Variants in KCNH1 observed in about 807,000 individuals in gnomAD.
KCNH1 encodes the protein potassium voltage-gated channel subfamily H member 1.
Under a neutral mutation model 69.2 loss-of-function variants are expected in KCNH1, and 27 were observed. That is an observed-to-expected ratio of 0.39 (90% CI 0.29 to 0.54). KCNH1 has a LOEUF of 0.54. Ranked by LOEUF, KCNH1 falls within the 20% of genes least tolerant of loss-of-function variation. KCNH1 has a pLI of 0.68. For missense variants in KCNH1, 798 were observed against 1,261.6 expected (o/e 0.63, Z 5.57); for synonymous variants, 456 against 487.7 (o/e 0.93, Z 0.86).
At chr1:210,891,785 T>G (rs763828613) in intron 7 of KCNH1, among the ~76,000 whole-genome samples, 8 of 152,128 alleles carry the variant, frequency 5.3e-5, no homozygotes, top group Non-Finnish European at 1.2e-4. Context: ...TGCAGCACTA[T>G]TCACAATAGC....
At chr1:211,024,405 T>A (rs1689646872) in intron 5 of KCNH1, among the ~76,000 whole-genome samples, 1 of 152,078 alleles carries the variant, frequency 6.6e-6, no homozygotes, top group Admixed American at 6.6e-5. Flanking sequence ...GTGAAATAAG[T>A]TTGATATTAT....
chr1:211,053,448 G>A (rs1690244438), intron 5 of KCNH1, among the ~76,000 whole-genome samples: 1 of 152,114 alleles, frequency 6.6e-6, no homozygotes, highest in Admixed American at 6.5e-5. Flanking sequence ...CATGAGGGGA[G>A]GCCACAAGCT....
chr1:210,897,376 A>T (rs1233429708), intron 7 of KCNH1, among the ~76,000 whole-genome samples: 4 of 152,146 alleles, frequency 2.6e-5, no homozygotes, highest in Non-Finnish European at 1.5e-5. Context: ...AACCAAGAAA[A>T]ATAAGTACCT....
At position 210,757,874 on chromosome 1, in the gene KCNH1, G is replaced by A. The variant is rs537536162; in HGVS notation, c.2112+17474C>T. Among the ~76,000 whole-genome samples, 44 of 152,244 alleles carry A rather than the reference G, an allele frequency of 2.9e-4. 1 individual carries two copies. The highest frequency in any genetic ancestry group is 5.0e-4 in the Non-Finnish European group (34 of 68,052). On this transcript the variant is annotated intron_variant, in intron 10 of 10. Transcript: ENST00000271751. Reference sequence around the variant, plus strand: ...CTCCATAAAGCCTGGATACCCTTAGGCAGTGGCCAGAGGCCTGCTGCTCTA... The same window carrying A: ...CTCCATAAAGCCTGGATACCCTTAGACAGTGGCCAGAGGCCTGCTGCTCTA...
intron 5 of KCNH1, among the ~76,000 whole-genome samples, chr1:211,069,497 A>G (rs188481606): frequency 6.6e-6 from 1 of 152,320 alleles, no homozygotes; most frequent in East Asian, 1.9e-4. Flanking sequence ...AAGGGCTCTA[A>G]TAGATAAAAG....
At chr1:210,863,010 C>G (rs1038128169) in intron 7 of KCNH1, among the ~76,000 whole-genome samples, 2 of 152,086 alleles carry the variant, frequency 1.3e-5, no homozygotes, top group South Asian at 2.1e-4. Flanking sequence ...TCAGGGCATG[C>G]GTGTAAAGTT....
chr1:210,927,285 G>T (rs1013242861), intron 6 of KCNH1, among the ~76,000 whole-genome samples: 2 of 152,138 alleles, frequency 1.3e-5, no homozygotes, highest in Non-Finnish European at 2.9e-5. Context: ...CAAGACAAAG[G>T]AAAGAATCTT....
At chr1:210,688,423 C>T (rs762702115) in intron 10 of KCNH1, among the ~76,000 whole-genome samples, 2 of 152,212 alleles carry the variant, frequency 1.3e-5, no homozygotes, top group Non-Finnish European at 2.9e-5. Context: ...AACTTTGTGG[C>T]TATAGCCATC....
intron 6 of KCNH1, among the ~76,000 whole-genome samples, chr1:210,965,397 G>A (rs577779168): frequency 1.0e-3 from 155 of 152,168 alleles, no homozygotes; most frequent in Non-Finnish European, 1.4e-3. Context: ...AGCAACTTCA[G>A]CAGTCTCATG....
intron 6 of KCNH1, among the ~76,000 whole-genome samples, chr1:210,923,717 C>T (rs1687510992): frequency 6.6e-6 from 1 of 152,224 alleles, no homozygotes; most frequent in African/African-American, 2.4e-5. Context: ...GAACACATTG[C>T]CTTGCATTAA....
intron 6 of KCNH1, among the ~76,000 whole-genome samples, chr1:210,925,437 G>A (rs767035182): frequency 8.5e-5 from 13 of 152,170 alleles, no homozygotes; most frequent in Admixed American, 2.0e-4. Flanking sequence ...CCTGTGAGTC[G>A]GCTTGCTTTC....
intron 7 of KCNH1, among the ~76,000 whole-genome samples, chr1:210,856,803 A>ATAT (rs1553352202): frequency 3.1e-5 from 4 of 129,104 alleles, no homozygotes; most frequent in African/African-American, 1.2e-4. Context: ...ATTTATATTT[A>ATAT]TATATATATT....
At chr1:210,752,251 C>T (rs1326877944) in intron 10 of KCNH1, among the ~76,000 whole-genome samples, 2 of 152,184 alleles carry the variant, frequency 1.3e-5, no homozygotes, top group Non-Finnish European at 2.9e-5. Flanking sequence ...TGAAAGTCAA[C>T]AAAAGGTTGT....
chr1:210,832,321 T>TA (rs1286912236), intron 7 of KCNH1, among the ~76,000 whole-genome samples: 1 of 152,208 alleles, frequency 6.6e-6, no homozygotes, highest in Non-Finnish European at 1.5e-5. Flanking sequence ...GTAAGTGGCA[T>TA]ATACTGGGCA....
At chr1:210,733,958 C>T (rs1298791227) in intron 10 of KCNH1, among the ~76,000 whole-genome samples, 7 of 44,288 alleles carry the variant, frequency 1.6e-4, no homozygotes, top group Non-Finnish European at 2.1e-4. Flanking sequence ...CTCACACACA[C>T]ACACACACAC....
intron 10 of KCNH1, among the ~76,000 whole-genome samples, chr1:210,741,275 A>G (rs1683024251): frequency 6.6e-6 from 1 of 152,214 alleles, no homozygotes; most frequent in Non-Finnish European, 1.5e-5. Flanking sequence ...ATTTACCTAC[A>G]ACAGGATAAA....
intron 9 of KCNH1, among the ~76,000 whole-genome samples, chr1:210,790,735 C>T (rs1684196772): frequency 6.6e-6 from 1 of 152,204 alleles, no homozygotes. Context: ...CTCCTTACTT[C>T]TACTGTAAGC....
At chr1:210,705,929 T>C (rs903771445) in intron 10 of KCNH1, among the ~76,000 whole-genome samples, 1 of 152,364 alleles carries the variant, frequency 6.6e-6, no homozygotes, top group Non-Finnish European at 1.5e-5. Context: ...GCAGCAGCAC[T>C]GAATGCTAAG....
chr1:211,072,545 G>A (rs1348860514), intron 5 of KCNH1, among the ~76,000 whole-genome samples: 1 of 152,142 alleles, frequency 6.6e-6, no homozygotes, highest in East Asian at 1.9e-4. Context: ...GCTTGTATAT[G>A]TGTGTTTGTG....
Sources: gnomAD v4.1 joint callset for allele counts (sites outside exome capture counted in the v4.1 genomes callset) on GRCh38, gnomAD v4.1.1 for gene constraint, MANE v1.5 for transcripts, NCBI Gene and HGNC (gene_info 2026-07-23, HGNC 2026-07-21) for gene names.